Variants in REPS2 observed in about 807,000 individuals in gnomAD.
REPS2 encodes ralBP1-associated Eps domain-containing protein 2.
Under a neutral mutation model 53.6 loss-of-function variants are expected in REPS2, and 23 were observed. The observed-to-expected ratio is 0.43, with a 90% confidence interval of 0.31 to 0.61. REPS2 has a LOEUF of 0.61. Among genes scored for constraint, REPS2 ranks in the 20% least tolerant of loss-of-function variants. The probability of loss-of-function intolerance (pLI) is 0.11; values close to 1 mark genes in which losing one functional copy is unlikely to be tolerated. For missense variants in REPS2, 446 were observed against 534.9 expected (o/e 0.83, Z 1.64); for synonymous variants, 238 against 218.6 (o/e 1.09, Z -0.78).
chrX:17,035,212 G>T (rs2066694488), intron 5 of REPS2, among the ~76,000 whole-genome samples: 1 of 110,512 alleles, frequency 9.0e-6, no homozygotes, highest in Non-Finnish European at 1.9e-5. Flanking sequence ...GAGCTTTGAT[G>T]AAAACAGCAG....
intron 2 of REPS2, among the ~76,000 whole-genome samples, chrX:17,019,231 G>A (rs12860876): frequency 0.21 from 23,066 of 111,767 alleles, 2,251 homozygotes; most frequent in East Asian, 0.42. Context: ...GGGAAAAATA[G>A]TCATTTATGT....
intron 5 of REPS2, among the ~76,000 whole-genome samples, chrX:17,036,334 T>C (rs952782532): frequency 2.7e-5 from 3 of 112,736 alleles, no homozygotes; most frequent in African/African-American, 9.7e-5. Flanking sequence ...TCTTTATTAG[T>C]GAAGTGAAAT....
intron 1 of REPS2, among the ~76,000 whole-genome samples, chrX:16,971,362 A>G (rs1285449388): frequency 1.8e-5 from 2 of 112,334 alleles, no homozygotes; most frequent in Non-Finnish European, 3.8e-5. Flanking sequence ...GTTGAATTGT[A>G]AGAGTTCTTT....
chrX:17,004,389 T>C (rs1285163930), intron 1 of REPS2, among the ~76,000 whole-genome samples: 1 of 99,439 alleles, frequency 1.0e-5, no homozygotes, highest in Non-Finnish European at 2.0e-5. Flanking sequence ...CCTTGATGAA[T>C]GAAAAAAACC....
At chrX:17,087,467 C>T (rs191852697) in intron 13 of REPS2, among the ~76,000 whole-genome samples, 29 of 111,735 alleles carry the variant, frequency 2.6e-4, no homozygotes, top group African/African-American at 7.8e-4. Flanking sequence ...AGTTTGTAGA[C>T]GGTGTCTTTG....
chrX:17,063,038 A>T (rs1028369517), intron 9 of REPS2, among the ~76,000 whole-genome samples: 3 of 112,010 alleles, frequency 2.7e-5, no homozygotes, highest in African/African-American at 6.5e-5. Flanking sequence ...ACTGATTTGG[A>T]TGATCCCCAG....
intron 1 of REPS2, among the ~76,000 whole-genome samples, chrX:16,968,033 G>C (rs780425847): frequency 9.1e-6 from 1 of 110,294 alleles, no homozygotes; most frequent in Non-Finnish European, 1.9e-5. Flanking sequence ...ATTAGGGAGC[G>C]GTGATGACTC....
At chrX:17,012,416 A>AACAACAACAACAAC (rs1569124855) in intron 2 of REPS2, among the ~76,000 whole-genome samples, 5 of 96,737 alleles carry the variant, frequency 5.2e-5, no homozygotes, top group African/African-American at 2.2e-4. Flanking sequence ...ACAACAACAA[A>AACAACAACAACAAC]CAAAACCCTA....
intron 1 of REPS2, among the ~76,000 whole-genome samples, chrX:16,962,949 G>A (rs754765630): frequency 4.5e-5 from 5 of 110,765 alleles, no homozygotes; most frequent in Non-Finnish European, 7.6e-5. Flanking sequence ...GTTTTTAAAA[G>A]TTATCTGCGT....
Position 17,138,866 on chromosome X carries a change from A to G in REPS2, c.1819A>G (p.Lys607Glu). The G allele has an allele frequency of 8.4e-7, 1 of 1,197,190 alleles. No individual in the cohort carries two copies. The highest frequency in any genetic ancestry group is 1.1e-6 in the Non-Finnish European group (1 of 887,096). Residue 607 changes from lysine to glutamate, a missense_variant, in exon 17 of 18, where the codon AAA (lysine) becomes GAA (glutamate). Coordinates refer to ENST00000357277, the MANE Select transcript of REPS2 (RefSeq NM_004726.3). ...PHPTVQKQSS[K>E]QKKAIQTAIR... ...TGTGCTTTTCTATAGGCAGTCTTCC[A>G]AACAGAAGAAGGCCATTCAAACTGC...
chrX:17,046,148 T>A (rs936466479), intron 5 of REPS2, among the ~76,000 whole-genome samples: 2 of 107,706 alleles, frequency 1.9e-5, no homozygotes, highest in African/African-American at 6.9e-5. Flanking sequence ...CTTTTTTATT[T>A]ATTTTTATTT....
intron 1 of REPS2, among the ~76,000 whole-genome samples, chrX:16,949,501 G>A (rs903623061): frequency 3.1e-4 from 35 of 112,184 alleles, no homozygotes; most frequent in Non-Finnish European, 6.0e-4. Flanking sequence ...TCTGCCTCCC[G>A]GGTTCAAGCG....
the REPS2 span, among the ~76,000 whole-genome samples, chrX:17,192,618 A>G: frequency 1.1e-4 from 12 of 111,484 alleles, no homozygotes; most frequent in Non-Finnish European, 2.3e-4. Context: ...GAAACTTTAA[A>G]ATTTTTGGTC....
At chrX:17,169,706 A>G in the REPS2 span, among the ~76,000 whole-genome samples, 6 of 112,197 alleles carry the variant, frequency 5.3e-5, no homozygotes, top group East Asian at 1.7e-3. Flanking sequence ...AAGAAGCACT[A>G]TGGAAGAAAA....
intron 1 of REPS2, among the ~76,000 whole-genome samples, chrX:16,987,027 A>G (rs1423876385): frequency 3.7e-5 from 4 of 108,484 alleles, no homozygotes; most frequent in Non-Finnish European, 7.6e-5. Flanking sequence ...CTCCCACTTC[A>G]GCCTCCCCAG....
intron 1 of REPS2, among the ~76,000 whole-genome samples, chrX:16,988,677 A>G (rs563513068): frequency 5.4e-5 from 6 of 110,809 alleles, no homozygotes; most frequent in African/African-American, 2.0e-4. Flanking sequence ...CATACTAGCT[A>G]GAAACAAATG....
intron 1 of REPS2, among the ~76,000 whole-genome samples, chrX:16,970,614 A>G (rs753491096): frequency 3.6e-4 from 41 of 112,454 alleles, no homozygotes; most frequent in Non-Finnish European, 5.4e-4. Flanking sequence ...TTGTGCAACC[A>G]TCACAACTAT....
At chrX:16,991,168 C>T (rs949223098) in intron 1 of REPS2, among the ~76,000 whole-genome samples, 13 of 111,395 alleles carry the variant, frequency 1.2e-4, no homozygotes, top group South Asian at 3.8e-4. Context: ...TTTCTGGGTA[C>T]GGTTAACTTT....
At chrX:17,071,363 CTTT>C (rs5901605) in intron 11 of REPS2, among the ~76,000 whole-genome samples, 131 of 96,353 alleles carry the variant, frequency 1.4e-3, no homozygotes, top group African/African-American at 4.6e-3. Flanking sequence ...ACTTTTCCTA[CTTT>C]TTTTTTTTTT....
Sources: allele counts gnomAD v4.1 joint callset (sites outside exome capture counted in the v4.1 genomes callset), GRCh38; gene constraint gnomAD v4.1.1; transcripts MANE v1.5; gene names NCBI Gene and HGNC (gene_info 2026-07-23, HGNC 2026-07-21).